The following NCAPH2 variants were observed in gnomAD, a reference collection of about 807,000 sequenced individuals.
NCAPH2 encodes the protein condensin-2 complex subunit H2.
NCAPH2 carries 56 observed loss-of-function variants against 88.6 expected under a neutral mutation model. The observed-to-expected ratio is 0.63, with a 90% CI of 0.51 to 0.79. The LOEUF (loss-of-function observed/expected upper bound fraction) is 0.79. NCAPH2 is among the 30% of genes least tolerant of loss of function. NCAPH2 has a pLI of 0.00. For missense variants in NCAPH2, 794 were observed against 792.0 expected (o/e 1.00, Z -0.03); for synonymous variants, 378 against 313.6 (o/e 1.21, Z -2.17).
chr22:50,516,665 C>G, intron 2 of NCAPH2, 117 bp downstream of exon 2: 2 of 830,804 alleles, frequency 2.4e-6, no homozygotes, highest in Non-Finnish European at 3.9e-6. Context: ...CCTCTCTCCT[C>G]AGGTCTCAGC....
intron 2 of NCAPH2, 82 bp from the exon 3 acceptor site, chr22:50,517,345 G>C (rs1347957851): frequency 2.7e-5 from 39 of 1,454,356 alleles, no homozygotes; most frequent in Non-Finnish European, 3.4e-5. Context: ...CAGGCCTCGT[G>C]GGGGCACCGA....
intron 17 of NCAPH2, 23 bp downstream of exon 17, chr22:50,522,743 C>T (rs561516359): frequency 2.0e-5 from 32 of 1,605,938 alleles, no homozygotes; most frequent in African/African-American, 2.7e-5. Context: ...TAGAGGGAGA[C>T]GGGGAGGGGA....
At chr22:50,519,715 ATCCT>A (rs1163808555) in intron 9 of NCAPH2, 2 of 1,055,494 alleles carry the variant, frequency 1.9e-6, no homozygotes, top group Non-Finnish European at 2.3e-6. Context: ...GAGCCAAGAA[ATCCT>A]TCCTTTTTAT....
At chr22:50,521,439 C>T (rs758208063) in intron 10 of NCAPH2, 104 bp from the exon 11 acceptor site, 1 of 1,217,926 alleles carries the variant, frequency 8.2e-7, no homozygotes, top group Non-Finnish European at 1.2e-6. Context: ...GCTGTGTACC[C>T]CCTACTCTTC....
chr22:50,518,333 G>A, intron 7 of NCAPH2, 55 bp downstream of exon 7: 1 of 1,587,932 alleles, frequency 6.3e-7, no homozygotes. Context: ...TCTTCTGGTT[G>A]GACTCTTGTG....
In NCAPH2 at chr22:50,516,431, G is replaced by A. The variant is rs1355476741; in HGVS notation, c.109-16G>A. Reference sequence around the variant, plus strand: ...TGGGCCTTGGATTCCCCCTGTCTTTGTGTTGTTTCTTGCAGCTGGATCAGA... The same window carrying A: ...TGGGCCTTGGATTCCCCCTGTCTTTATGTTGTTTCTTGCAGCTGGATCAGA... On this transcript the variant is annotated splice_polypyrimidine_tract_variant and intron_variant, in intron 1 of 19. Coordinates refer to ENST00000420993, the MANE Select transcript of NCAPH2 (RefSeq NM_152299.4). The A allele has an allele frequency of 6.2e-7, 1 of 1,613,456 alleles. No individual in the cohort carries two copies. The highest frequency in any genetic ancestry group is 2.2e-5 in the East Asian group (1 of 44,894).
chr22:50,517,408 G>A lies in NCAPH2; in HGVS notation c.211-19G>A, dbSNP rs2068954579. The stretch of plus-strand genomic sequence containing the variant: ...GGCCCCTCCTTTCTGGGTCCTCACT[G>A]CCTGCATCTGGTCACCAGGTGGAAT... On this transcript the variant is annotated intron_variant, in intron 2 of 19. Coordinates refer to ENST00000420993, the MANE Select transcript of NCAPH2 (RefSeq NM_152299.4). 1.9e-6 allele frequency: 3 copies of A among 1,613,874 alleles called. No homozygotes were observed. Among genetic ancestry groups the A allele is most frequent in the Non-Finnish European group, 2.5e-6 (3 of 1,179,908 alleles).
chr22:50,518,152 G>A lies in NCAPH2; in HGVS notation c.520G>A (p.Ala174Thr). The change falls in exon 7 of 20, where the codon GCC becomes ACC. Residue 174 changes from alanine to threonine, a missense_variant. Physicochemically the swap from Ala to Thr is moderately conservative, Grantham distance 58 (BLOSUM62 0). This residue lies in a region of NCAPH2 where 735 missense variants were observed against 696.3 expected (regional missense o/e 1.06). Coordinates refer to ENST00000420993, the MANE Select transcript of NCAPH2 (RefSeq NM_152299.4). ...GCACAGCCGTCAGGGTGAGGTCCTGGCCAGCCGGAAGGATTTCAGGATGAA... is the reference window on the plus strand; with the variant it reads ...GCACAGCCGTCAGGGTGAGGTCCTGACCAGCCGGAAGGATTTCAGGATGAA... ...PLYSRQGEVL[A>T]SRKDFRMNTC... 6.2e-7 allele frequency: 1 copy of A among 1,614,098 alleles called. No individual in the cohort carries two copies. The highest frequency in any genetic ancestry group is 1.1e-5 in the South Asian group (1 of 91,080).
intron 9 of NCAPH2, chr22:50,519,712 G>C: frequency 9.4e-7 from 1 of 1,063,240 alleles, no homozygotes; most frequent in Non-Finnish European, 1.1e-6. Flanking sequence ...CTAGAGCCAA[G>C]AAATCCTTCC....
At position 50,523,422 on chromosome 22, in the gene NCAPH2, G is replaced by A. The variant is rs777188723; in HGVS notation, c.*47G>A. On this transcript the variant is annotated 3_prime_UTR_variant, in exon 20 of 20. Transcript: ENST00000420993. ...GTGGGGGAATGTGTACTGAGGAGCC[G>A]TGTGTCTGCTCCTGGCTGGCCCGGC... is the stretch of plus-strand genomic sequence containing the variant. 5 of 1,525,766 alleles carry A rather than the reference G, an allele frequency of 3.3e-6. No individual in the cohort carries two copies. Among genetic ancestry groups the A allele is most frequent in the East Asian group, 2.5e-5 (1 of 40,730 alleles). The allele number at this position is 1,525,766 out of a possible 1,614,324, so 94.5% of individuals were successfully genotyped here.
chr22:50,522,096 C>G, intron 13 of NCAPH2, 57 bp downstream of exon 13: 3 of 1,612,974 alleles, frequency 1.9e-6, no homozygotes, highest in East Asian at 4.5e-5. Context: ...ACCTCTTCCC[C>G]CACCTGGTGT....
intron 1 of NCAPH2, among the ~76,000 whole-genome samples, chr22:50,512,261 CTT>C (rs1328251702): frequency 6.6e-6 from 1 of 152,242 alleles, no homozygotes; most frequent in Admixed American, 6.5e-5. Context: ...GATGACCAAA[CTT>C]CTCTGCTCTC....
rs146155319 is a variant in NCAPH2 at position 50,522,005 on chromosome 22, C to T, written c.1128C>T (p.Ser376=). The T allele has an allele frequency of 6.2e-6, 10 of 1,613,914 alleles. No individual in the cohort carries two copies. The African/African-American group carries it at 6.7e-5, about 11-fold the overall frequency. The change falls in exon 13 of 20, where the codon AGC becomes AGT. Residue 376 remains serine (S), a synonymous_variant. Transcript: ENST00000420993. ...YLAAYADHAD[S]RRLRRKGPSF... Reference sequence around the variant, plus strand: ...TCACAGATGCAGACCATGCCGACAGCAGGCGGCTTCGGCGAAAGGGTCCGT... The same window carrying T: ...TCACAGATGCAGACCATGCCGACAGTAGGCGGCTTCGGCGAAAGGGTCCGT...
At chr22:50,508,810 C>T (rs949827463) in intron 1 of NCAPH2, among the ~76,000 whole-genome samples, 1 of 152,192 alleles carries the variant, frequency 6.6e-6, no homozygotes, top group African/African-American at 2.4e-5. Context: ...ATCACGATGT[C>T]AGAGGAATTT....
At chr22:50,517,088 G>T (rs1032653182) in intron 2 of NCAPH2, among the ~76,000 whole-genome samples, 2 of 152,162 alleles carry the variant, frequency 1.3e-5, no homozygotes, top group Non-Finnish European at 2.9e-5. Context: ...GGCAGAGTGG[G>T]TGCCAAGCAC....
Position 50,523,949 on chromosome 22 carries a change from GCT to G in NCAPH2, c.*577_*578del. The G allele has an allele frequency of 6.2e-7, 1 of 1,612,488 alleles. No homozygotes were observed. Among genetic ancestry groups the G allele is most frequent in the South Asian group, 1.1e-5 (1 of 91,074 alleles). On this transcript the variant is annotated 3_prime_UTR_variant, in exon 20 of 20. Transcript: ENST00000420993. ...ACAGGCTGCACTGGAGGCAAACCAG[GCT>G]CTGCTTCCAGCTGCCGCACCACCTG...
intron 10 of NCAPH2, 40 bp from the exon 11 acceptor site, chr22:50,521,503 C>A (rs770960266): frequency 6.2e-7 from 1 of 1,605,088 alleles, no homozygotes; most frequent in East Asian, 2.2e-5. Flanking sequence ...CGGCTGTGCA[C>A]CCCCTACTTC....
rs1245488256 is a variant in NCAPH2 at position 50,523,869 on chromosome 22, G to A, written c.*494G>A. ...CCAACAGTCTTGGGTGGAAGTCCTG[G>A]ACGTAGCGGGCCATGGCTTCAACGT... On this transcript the variant is annotated 3_prime_UTR_variant, in exon 20 of 20. Transcript: ENST00000420993. 1 of 1,613,956 alleles carries A rather than the reference G, an allele frequency of 6.2e-7. No individual in the cohort carries two copies. The highest frequency in any genetic ancestry group is 1.3e-5 in the African/African-American group (1 of 75,046).
At chr22:50,521,870 T>C (rs1397157101) in intron 12 of NCAPH2, 22 bp downstream of exon 12, 5 of 1,613,484 alleles carry the variant, frequency 3.1e-6, no homozygotes, top group South Asian at 1.1e-5. Flanking sequence ...TGGTGTGCAC[T>C]CCGGACCACT....
Sources: gnomAD v4.1 joint callset for allele counts (sites outside exome capture counted in the v4.1 genomes callset) on GRCh38, gnomAD v4.1.1 for gene constraint, gnomAD v4.1.1 regional missense constraint, MANE v1.5 for transcripts, NCBI Gene and HGNC (gene_info 2026-07-23, HGNC 2026-07-21) for gene names.